Variants in CACNB4 observed in about 807,000 individuals in gnomAD.
The protein encoded by CACNB4 is calcium voltage-gated channel auxiliary subunit beta 4, also known as voltage-dependent L-type calcium channel subunit beta-4.
A neutral mutation model predicts 71.2 loss-of-function variants in CACNB4; 32 were observed. The observed-to-expected ratio is 0.45, with a 90% CI of 0.34 to 0.60. The LOEUF is 0.60. Among genes scored for constraint, CACNB4 ranks in the 20% least tolerant of loss-of-function variants. The pLI, the probability that CACNB4 is intolerant of heterozygous loss-of-function variation, is 0.01. For synonymous variants in CACNB4, 231 were observed against 236.9 expected (o/e 0.97, Z 0.23); for missense variants, 464 against 647.9 (o/e 0.72, Z 3.08).
intron 2 of CACNB4, among the ~76,000 whole-genome samples, chr2:151,933,431 T>C (rs1247544716): frequency 1.3e-5 from 2 of 152,084 alleles, no homozygotes; most frequent in African/African-American, 4.8e-5. Context: ...CATTGAGCTG[T>C]ACATGCATTA....
At chr2:152,071,867 G>A (rs1007337861) in intron 2 of CACNB4, among the ~76,000 whole-genome samples, 2 of 152,184 alleles carry the variant, frequency 1.3e-5, no homozygotes, top group Admixed American at 6.5e-5. Context: ...GCCAGGCCTT[G>A]ACCAAGATGA....
intron 2 of CACNB4, among the ~76,000 whole-genome samples, chr2:152,028,854 T>C (rs1684112298): frequency 6.6e-6 from 1 of 152,234 alleles, no homozygotes; most frequent in South Asian, 2.1e-4. Context: ...ATTTTTGTTG[T>C]GTACAAGTGC....
chr2:151,980,244 G>T (rs1490548651), intron 2 of CACNB4, among the ~76,000 whole-genome samples: 1 of 152,008 alleles, frequency 6.6e-6, no homozygotes, highest in Non-Finnish European at 1.5e-5. Flanking sequence ...ATCTTTCGGT[G>T]GCTTCCCATC....
At chr2:151,962,551 G>A (rs1427179520) in intron 2 of CACNB4, among the ~76,000 whole-genome samples, 2 of 152,218 alleles carry the variant, frequency 1.3e-5, no homozygotes, top group East Asian at 3.8e-4. Flanking sequence ...GAAAGGCAGA[G>A]AATAAAAATG....
At chr2:152,007,538 G>A (rs896433276) in intron 2 of CACNB4, among the ~76,000 whole-genome samples, 1 of 152,190 alleles carries the variant, frequency 6.6e-6, no homozygotes, top group Non-Finnish European at 1.5e-5. Context: ...GTTGCAGCAC[G>A]AGTCAAACTT....
chr2:151,995,602 G>A (rs972003978), intron 2 of CACNB4, among the ~76,000 whole-genome samples: 2 of 152,316 alleles, frequency 1.3e-5, no homozygotes, highest in African/African-American at 2.4e-5. Flanking sequence ...CCAGCTACTC[G>A]GGAGGCTGAG....
chr2:152,072,849 C>T (rs1686776514), intron 2 of CACNB4, among the ~76,000 whole-genome samples: 1 of 151,050 alleles, frequency 6.6e-6, no homozygotes, highest in Non-Finnish European at 1.5e-5. Context: ...TGGGGTTTCA[C>T]CGTGTTAGCC....
chr2:151,838,537 GTCATTC>G lies in CACNB4; in HGVS notation c.*576_*581del, dbSNP rs2099835391. On this transcript the variant is annotated 3_prime_UTR_variant, in exon 14 of 14. Coordinates refer to ENST00000539935, the MANE Select transcript of CACNB4 (RefSeq NM_000726.5). ...TCAATACATTTGGTAAGTCTGAAAA[GTCATTC>G]TGGCAACATTAACATATATTAAAAT... 1 of 152,468 alleles carries G rather than the reference GTCATTC, an allele frequency of 6.6e-6. No individual in the cohort carries two copies. The highest frequency in any genetic ancestry group is 2.4e-5 in the African/African-American group (1 of 41,406). 9.4% of individuals were successfully genotyped at this position (152,468 alleles called of 1,614,324 possible).
chr2:152,064,233 C>T (rs1474471524), intron 2 of CACNB4, among the ~76,000 whole-genome samples: 1 of 152,186 alleles, frequency 6.6e-6, no homozygotes, highest in African/African-American at 2.4e-5. Context: ...GGATGTCTCC[C>T]ACGTGGACTT....
intron 2 of CACNB4, among the ~76,000 whole-genome samples, chr2:152,058,291 A>G (rs1018038041): frequency 6.6e-6 from 1 of 152,234 alleles, no homozygotes; most frequent in Non-Finnish European, 1.5e-5. Context: ...GTACTGCTAT[A>G]AAGACACCCA....
chr2:152,017,700 T>A (rs189260893), intron 2 of CACNB4, among the ~76,000 whole-genome samples: 168 of 150,774 alleles, frequency 1.1e-3, no homozygotes, highest in African/African-American at 4.0e-3. Context: ...AGAGTGAGAC[T>A]CCGTCTCAAC....
chr2:151,877,702 T>C (rs2099846796), intron 4 of CACNB4, among the ~76,000 whole-genome samples: 1 of 152,214 alleles, frequency 6.6e-6, no homozygotes, highest in Non-Finnish European at 1.5e-5. Flanking sequence ...ACTTACAAAG[T>C]CTGAGCGTAT....
intron 2 of CACNB4, among the ~76,000 whole-genome samples, chr2:151,987,701 CTCT>C (rs1681449681): frequency 6.6e-6 from 1 of 152,152 alleles, no homozygotes; most frequent in South Asian, 2.1e-4. Context: ...ACTTTCCCTC[CTCT>C]TCATTTTATT....
intron 4 of CACNB4, chr2:151,880,441 T>C (rs747166482): frequency 3.2e-6 from 1 of 314,612 alleles, no homozygotes; most frequent in Non-Finnish European, 6.0e-6. Context: ...AACAGTCCCT[T>C]CTGGGTAGGT....
chr2:151,987,863 C>A (rs1209609669), intron 2 of CACNB4, among the ~76,000 whole-genome samples: 1 of 152,252 alleles, frequency 6.6e-6, no homozygotes, highest in East Asian at 1.9e-4. Flanking sequence ...GACAATATCT[C>A]CGTCACCATG....
intron 2 of CACNB4, among the ~76,000 whole-genome samples, chr2:152,044,418 C>T (rs896238701): frequency 6.6e-6 from 1 of 152,100 alleles, no homozygotes; most frequent in African/African-American, 2.4e-5. Context: ...TGGGGTTTCA[C>T]CATGTTGGTC....
chr2:152,064,767 A>T (rs1057022936), intron 2 of CACNB4, among the ~76,000 whole-genome samples: 1 of 152,248 alleles, frequency 6.6e-6, no homozygotes. Flanking sequence ...TTTCATAATT[A>T]TCACCTAAGA....
intron 2 of CACNB4, among the ~76,000 whole-genome samples, chr2:152,006,401 CTTT>C (rs60046879): frequency 7.2e-6 from 1 of 138,548 alleles, no homozygotes; most frequent in Non-Finnish European, 1.5e-5. Flanking sequence ...TCTTTTCTTT[CTTT>C]TTTTTTTTTT....
chr2:152,066,743 C>T (rs914178775), intron 2 of CACNB4, among the ~76,000 whole-genome samples: 39 of 145,018 alleles, frequency 2.7e-4, no homozygotes, highest in Non-Finnish European at 5.6e-4. Context: ...TGGAACCAAC[C>T]CAAATGTCCA....
Sources: allele counts gnomAD v4.1 joint callset (sites outside exome capture counted in the v4.1 genomes callset), GRCh38; gene constraint gnomAD v4.1.1; transcripts MANE v1.5; gene names NCBI Gene and HGNC (gene_info 2026-07-23, HGNC 2026-07-21).